SEC22C: variants seen among roughly 807,000 people sequenced by gnomAD.
The protein encoded by SEC22C is SEC22 homolog C, vesicle trafficking protein.
A neutral mutation model predicts 34.7 loss-of-function variants in SEC22C; 29 were observed. The observed-to-expected ratio is 0.84, with a 90% confidence interval of 0.62 to 1.14. SEC22C has a LOEUF of 1.14. Ranked by LOEUF, SEC22C falls within the 50% of genes most tolerant of loss-of-function variation. The probability of loss-of-function intolerance (pLI) is 0.00; values close to 1 mark genes in which losing one functional copy is unlikely to be tolerated. For missense variants in SEC22C, 337 were observed against 369.0 expected (o/e 0.91, Z 0.71); for synonymous variants, 117 against 132.8 (o/e 0.88, Z 0.82).
rs1399866128 is a variant in SEC22C at position 42,548,633 on chromosome 3, A to C, written c.*4615T>G. 1 of 1,613,866 alleles carries C rather than the reference A, an allele frequency of 6.2e-7. No homozygotes were observed. The highest frequency in any genetic ancestry group is 8.5e-7 in the Non-Finnish European group (1 of 1,180,040). On this transcript the variant is annotated 3_prime_UTR_variant, in exon 7 of 7. Coordinates refer to ENST00000264454, the MANE Select transcript of SEC22C (RefSeq NM_032970.4). ...TGGCTGGCTCACGAGGTTTGGTCCA[A>C]CCAGCAGAACCAGCTCCTTGGATCC...
At chr3:42,571,858 C>A (rs1156884116) in intron 1 of SEC22C, among the ~76,000 whole-genome samples, 4 of 152,246 alleles carry the variant, frequency 2.6e-5, no homozygotes, top group Admixed American at 1.3e-4. Context: ...CATGGCGAAA[C>A]CCCGTCTCTA....
At chr3:42,557,202 G>C (rs922214142) in intron 5 of SEC22C, among the ~76,000 whole-genome samples, 5 of 152,132 alleles carry the variant, frequency 3.3e-5, no homozygotes, top group Non-Finnish European at 7.3e-5. Flanking sequence ...TCAGATTATG[G>C]GACAACCTTT....
rs1702294326 is a variant in SEC22C at position 42,552,330 on chromosome 3, C to T, written c.*918G>A. On this transcript the variant is annotated 3_prime_UTR_variant, in exon 7 of 7. Coordinates refer to ENST00000264454, the MANE Select transcript of SEC22C (RefSeq NM_032970.4). Reference sequence around the variant, plus strand: ...ACAGTAGTCATCATCATTAAAACAACAGGCACTCAGCTCTACTGAAAAGGC... The same window carrying T: ...ACAGTAGTCATCATCATTAAAACAATAGGCACTCAGCTCTACTGAAAAGGC... 1 of 985,264 alleles carries T rather than the reference C, an allele frequency of 1.0e-6. No individual in the cohort carries two copies. Among genetic ancestry groups the T allele is most frequent in the South Asian group, 4.7e-5 (1 of 21,298 alleles). The allele number at this position is 985,264 out of a possible 1,614,324, so 61.0% of individuals were successfully genotyped here.
chr3:42,566,492 C>G lies in SEC22C; in HGVS notation c.182+2373G>C, dbSNP rs547957158. On this transcript the variant is annotated intron_variant, in intron 2 of 6. Transcript: ENST00000264454. ...GAGCTCGAGACCATCCTGGCTAACA[C>G]GGTGAAACGCCGTCTCTACTAAAAA... Among the ~76,000 whole-genome samples the G allele has an allele frequency of 2.0e-5, 3 of 151,862 alleles. No homozygotes were observed. In the South Asian group the frequency reaches 6.2e-4, roughly 32 times the overall value.
chr3:42,580,255 G>C (rs1200278169), intron 1 of SEC22C, among the ~76,000 whole-genome samples: 1 of 152,158 alleles, frequency 6.6e-6, no homozygotes, highest in Non-Finnish European at 1.5e-5. Flanking sequence ...CAGAAAGAAA[G>C]AGAAAAACAG....
At chr3:42,591,635 G>A in intron 1 of SEC22C, 2 of 1,447,272 alleles carry the variant, frequency 1.4e-6, no homozygotes, top group South Asian at 2.3e-5. Flanking sequence ...CCTGACCTGT[G>A]GGTAGAGGGG....
intron 1 of SEC22C, among the ~76,000 whole-genome samples, chr3:42,592,193 T>TTTTTC (rs1704874411): frequency 6.6e-6 from 1 of 152,040 alleles, no homozygotes; most frequent in Admixed American, 6.5e-5. Flanking sequence ...TACGCCCATT[T>TTTTTC]TTTTCTTTTC....
chr3:42,558,049 T>C (rs558658162), intron 4 of SEC22C, among the ~76,000 whole-genome samples: 2 of 152,322 alleles, frequency 1.3e-5, no homozygotes, highest in East Asian at 3.9e-4. Context: ...TTTCTGGTTG[T>C]CACAACTAGA....
At chr3:42,565,156 C>T (rs1203195713) in intron 2 of SEC22C, among the ~76,000 whole-genome samples, 3 of 152,170 alleles carry the variant, frequency 2.0e-5, no homozygotes, top group African/African-American at 7.2e-5. Flanking sequence ...CGCTCACACA[C>T]TTACTACCTT....
intron 3 of SEC22C, 114 bp from the exon 4 acceptor site, chr3:42,561,410 G>C: frequency 9.5e-7 from 1 of 1,057,414 alleles, no homozygotes; most frequent in Non-Finnish European, 1.4e-6. Context: ...TCTCACTGTC[G>C]CCCACTCTGG....
chr3:42,564,754 G>C (rs1171879122), intron 2 of SEC22C, among the ~76,000 whole-genome samples: 2 of 152,084 alleles, frequency 1.3e-5, no homozygotes, highest in African/African-American at 4.8e-5. Flanking sequence ...TTATGCAAGA[G>C]TGTTTTGTTT....
chr3:42,590,804 T>C (rs1704796837), intron 1 of SEC22C: 7 of 1,280,076 alleles, frequency 5.5e-6, no homozygotes, highest in Admixed American at 1.7e-5. Context: ...TACCCCGCCC[T>C]GTAGGCGGGA....
intron 1 of SEC22C, among the ~76,000 whole-genome samples, chr3:42,592,811 C>T (rs1704895412): frequency 6.6e-6 from 1 of 152,112 alleles, no homozygotes; most frequent in South Asian, 2.1e-4. Flanking sequence ...TTTTCAATTG[C>T]ACAGGCCATG....
chr3:42,556,028 A>G (rs762605358), intron 5 of SEC22C, 33 bp from the exon 6 acceptor site: 1 of 1,537,624 alleles, frequency 6.5e-7, no homozygotes, highest in Non-Finnish European at 9.0e-7. Flanking sequence ...AAGGAAAGGG[A>G]TATTTAGATG....
chr3:42,592,604 C>T (rs1265184545), intron 1 of SEC22C, among the ~76,000 whole-genome samples: 2 of 152,198 alleles, frequency 1.3e-5, no homozygotes, highest in Non-Finnish European at 2.9e-5. Context: ...TCACTGAATA[C>T]CTTAATAGAA....
In SEC22C at chr3:42,549,104, C is replaced by T; in HGVS notation, c.*4144G>A. 1.0e-6 allele frequency: 1 copy of T among 997,390 alleles called. No homozygotes were observed. The highest frequency in any genetic ancestry group is 1.2e-6 in the Non-Finnish European group (1 of 836,496). 61.8% of individuals were successfully genotyped at this position (997,390 alleles called of 1,614,324 possible). ...GTGCACTCTTTCCCTCACCTTCTCTCTCAAGGGCACAGCTACACTCTTTCT... is the reference window on the plus strand; with the variant it reads ...GTGCACTCTTTCCCTCACCTTCTCTTTCAAGGGCACAGCTACACTCTTTCT... On this transcript the variant is annotated 3_prime_UTR_variant, in exon 7 of 7. Coordinates refer to ENST00000264454, the MANE Select transcript of SEC22C (RefSeq NM_032970.4).
Position 42,552,277 on chromosome 3 carries a change from AG to A in SEC22C, c.*970del, listed in dbSNP as rs1385694675. The stretch of plus-strand genomic sequence containing the variant: ...GGTGCAGAGGAGTAATTAATTTTGG[AG>A]GCGCTCTGGGAACAGGTACACAGGG... On this transcript the variant is annotated 3_prime_UTR_variant, in exon 7 of 7. Coordinates refer to ENST00000264454, the MANE Select transcript of SEC22C (RefSeq NM_032970.4). 3 of 985,280 alleles carry A rather than the reference AG, an allele frequency of 3.0e-6. No individual in the cohort carries two copies. Among genetic ancestry groups the A allele is most frequent in the Non-Finnish European group, 2.4e-6 (2 of 829,926 alleles). 61.0% of individuals were successfully genotyped at this position (985,280 alleles called of 1,614,324 possible).
At chr3:42,599,415 G>T (rs1433374781) in intron 1 of SEC22C, among the ~76,000 whole-genome samples, 1 of 151,458 alleles carries the variant, frequency 6.6e-6, no homozygotes, top group Admixed American at 6.6e-5. Context: ...TTTTCAGGCC[G>T]GGCGCGGTGG....
intron 6 of SEC22C, among the ~76,000 whole-genome samples, chr3:42,555,081 C>T (rs1245879972): frequency 1.3e-5 from 2 of 152,110 alleles, no homozygotes; most frequent in African/African-American, 2.4e-5. Context: ...CGTGGTGGCT[C>T]ATGCCTGTAA....
Sources: allele counts gnomAD v4.1 joint callset (sites outside exome capture counted in the v4.1 genomes callset), GRCh38; gene constraint gnomAD v4.1.1; transcripts MANE v1.5; gene names NCBI Gene and HGNC (gene_info 2026-07-23, HGNC 2026-07-21).